CPAP: variants seen among roughly 807,000 people sequenced by gnomAD.
CPAP encodes centrosomal P4.1-associated protein.
At chr13:24,906,335 T>C in the CPAP span, 2 of 1,609,004 alleles carry the variant, frequency 1.2e-6, no homozygotes, top group South Asian at 1.1e-5. Context: ...TTCCTTTTCC[T>C]TTTCTCGTTC....
the CPAP span, chr13:24,883,942 G>A: frequency 3.7e-6 from 6 of 1,613,986 alleles, no homozygotes; most frequent in Non-Finnish European, 3.4e-6. Context: ...TGGTTTTTCT[G>A]TGAACATAAT....
At chr13:24,925,581 C>T in the CPAP span, among the ~76,000 whole-genome samples, 9 of 152,128 alleles carry the variant, frequency 5.9e-5, no homozygotes, top group Non-Finnish European at 1.3e-4. Flanking sequence ...GCCAGGGCAA[C>T]AGAGTGAAAC....
chr13:24,893,932 T>C, the CPAP span, among the ~76,000 whole-genome samples: 2 of 151,472 alleles, frequency 1.3e-5, no homozygotes, highest in African/African-American at 2.4e-5. Flanking sequence ...GGAGAGTGGC[T>C]GGGGCAGGTG....
chr13:24,907,081 A>G, the CPAP span: 2 of 1,611,340 alleles, frequency 1.2e-6, no homozygotes, highest in Non-Finnish European at 1.7e-6. Context: ...AGAAGAGCAC[A>G]ATTGCTGACC....
At chr13:24,897,961 T>C in the CPAP span, among the ~76,000 whole-genome samples, 4 of 152,208 alleles carry the variant, frequency 2.6e-5, no homozygotes, top group African/African-American at 9.7e-5. Flanking sequence ...AGTAGCATGA[T>C]CTTGGCTTAC....
the CPAP span, chr13:24,885,765 T>TAA: frequency 2.3e-6 from 2 of 872,664 alleles, no homozygotes; most frequent in Non-Finnish European, 3.8e-6. Context: ...TCCTGTGAAC[T>TAA]GCTGTCCTTT....
chr13:24,900,726 G>T, the CPAP span, among the ~76,000 whole-genome samples: 92 of 152,316 alleles, frequency 6.0e-4, 1 homozygote, highest in Non-Finnish European at 3.8e-4. Flanking sequence ...GCACAGACGC[G>T]GGCAGCAGAG....
At chr13:24,912,534 A>G in the CPAP span, 1 of 1,470,858 alleles carries the variant, frequency 6.8e-7, no homozygotes, top group Non-Finnish European at 9.5e-7. Context: ...TTACATAAAC[A>G]GAAACCTGCA....
the CPAP span, chr13:24,912,539 C>A: frequency 6.7e-7 from 1 of 1,493,444 alleles, no homozygotes; most frequent in East Asian, 2.3e-5. Flanking sequence ...TAAACAGAAA[C>A]CTGCAATGAC....
chr13:24,883,409 AT>A, the CPAP span: 128 of 1,439,202 alleles, frequency 8.9e-5, no homozygotes, highest in African/African-American at 9.0e-4. Flanking sequence ...TAAAAAAAAA[AT>A]AATAGAAAAT....
At chr13:24,933,963 T>C in the CPAP span, among the ~76,000 whole-genome samples, 2 of 152,162 alleles carry the variant, frequency 1.3e-5, no homozygotes, top group Admixed American at 1.3e-4. Context: ...TGACCTCATG[T>C]CATCCGCCTG....
At chr13:24,885,692 G>GAGTT in the CPAP span, 16 of 1,571,228 alleles carry the variant, frequency 1.0e-5, no homozygotes, top group African/African-American at 2.7e-5. Context: ...AAATTGTCAA[G>GAGTT]AGTTAGATTT....
At chr13:24,915,632 C>T in the CPAP span, among the ~76,000 whole-genome samples, 1 of 152,006 alleles carries the variant, frequency 6.6e-6, no homozygotes, top group East Asian at 1.9e-4. Flanking sequence ...GGTGAAACCC[C>T]ATCTCTACTA....
the CPAP span, chr13:24,932,866 C>A: frequency 3.3e-6 from 2 of 605,084 alleles, no homozygotes; most frequent in South Asian, 2.0e-5. Context: ...TCAATTTTTA[C>A]AATGTGTTCA....
the CPAP span, among the ~76,000 whole-genome samples, chr13:24,890,366 G>A: frequency 1.3e-5 from 2 of 152,154 alleles, no homozygotes; most frequent in Admixed American, 1.3e-4. Flanking sequence ...TTACGCTCCT[G>A]TCTTTGCAGC....
the CPAP span, among the ~76,000 whole-genome samples, chr13:24,921,104 C>G: frequency 6.6e-6 from 1 of 152,178 alleles, no homozygotes; most frequent in Non-Finnish European, 1.5e-5. Flanking sequence ...GAAAGGCACT[C>G]AGGACACACA....
At chr13:24,897,113 G>C in the CPAP span, among the ~76,000 whole-genome samples, 1 of 152,186 alleles carries the variant, frequency 6.6e-6, no homozygotes, top group Non-Finnish European at 1.5e-5. Context: ...ATGGTGGTGG[G>C]CACCTATAAT....
the CPAP span, chr13:24,905,758 A>T: frequency 6.2e-7 from 1 of 1,614,192 alleles, no homozygotes; most frequent in Non-Finnish European, 8.5e-7. Flanking sequence ...TGTAATCTTT[A>T]TCAGACAAAT....
At chr13:24,913,477 C>T in the CPAP span, among the ~76,000 whole-genome samples, 1 of 152,106 alleles carries the variant, frequency 6.6e-6, no homozygotes, top group Non-Finnish European at 1.5e-5. Context: ...CTTCTTTGCC[C>T]AGTTGGTGAA....
Sources: gnomAD v4.1 joint callset for allele counts (sites outside exome capture counted in the v4.1 genomes callset) on GRCh38, gnomAD v4.1.1 for gene constraint, MANE v1.5 for transcripts, NCBI Gene and HGNC (gene_info 2026-07-23, HGNC 2026-07-21) for gene names.